Variants in PCNX2 observed in about 807,000 individuals in gnomAD.
PCNX2 encodes pecanex-like protein 2.
In PCNX2, 168 loss-of-function variants were observed where a neutral mutation model predicts 223.8. That is an observed-to-expected ratio of 0.75 (90% CI 0.66 to 0.85). The LOEUF (loss-of-function observed/expected upper bound fraction) is 0.85, where lower values mean the gene tolerates loss of function less well. Among genes scored for constraint, PCNX2 ranks in the 40% least tolerant of loss-of-function variants. The probability of loss-of-function intolerance (pLI) is 0.00; values close to 1 mark genes in which losing one functional copy is unlikely to be tolerated. For synonymous variants in PCNX2, 1,006 were observed against 1,052.6 expected (o/e 0.96, Z 0.86); for missense variants, 2,507 against 2,675.5 (o/e 0.94, Z 1.39).
chr1:232,990,483 C>G lies in PCNX2; in HGVS notation c.5792-3943G>C, dbSNP rs903512665. On this transcript the variant is annotated intron_variant, in intron 32 of 33. Transcript: ENST00000258229. This position sits in a 1 kb window ranked among gnomAD's most constrained non-coding sequence, Gnocchi z 4.3. ...CCAACAAGATCGGCAGCTCTTGGCT[C>G]CACTGCTCTTGGCTGTGACAGAACC... Among the ~76,000 whole-genome samples the G allele has an allele frequency of 6.6e-6, 1 of 152,148 alleles. No individual in the cohort carries two copies. The highest frequency in any genetic ancestry group is 2.4e-5 in the African/African-American group (1 of 41,436).
intron 17 of PCNX2, among the ~76,000 whole-genome samples, chr1:233,174,755 T>C (rs1408919148): frequency 3.3e-5 from 5 of 152,202 alleles, no homozygotes; most frequent in Non-Finnish European, 7.3e-5. Flanking sequence ...AAAGAGTCTG[T>C]GCTAATAAGA....
In PCNX2 at chr1:233,253,025, A is replaced by T. The variant is rs1350295034; in HGVS notation, c.1835-237T>A. Among the ~76,000 whole-genome samples the T allele has an allele frequency of 6.6e-6, 1 of 152,228 alleles. No homozygotes were observed. Among genetic ancestry groups the T allele is most frequent in the Non-Finnish European group, 1.5e-5 (1 of 68,050 alleles). On this transcript the variant is annotated intron_variant, in intron 5 of 33. Transcript: ENST00000258229. This position sits in a 1 kb window ranked among gnomAD's most constrained non-coding sequence, Gnocchi z 4.2. ...GTTATTTAGGTGTCTACAAACACCT[A>T]CTATTTTATATACAGGTTGAGGGAC...
Position 233,025,239 on chromosome 1 carries a change from G to A in PCNX2, c.4512C>T (p.Tyr1504=). The A allele has an allele frequency of 1.2e-6, 2 of 1,614,018 alleles. No homozygotes were observed. The highest frequency in any genetic ancestry group is 1.7e-6 in the Non-Finnish European group (2 of 1,179,894). Residue 1504 remains tyrosine (Y), a synonymous_variant, in exon 26 of 34, where the codon TAC becomes TAT. Coordinates refer to ENST00000258229, the MANE Select transcript of PCNX2 (RefSeq NM_014801.4). ...CCAGGATGCTGTAGCCCTCCAGGAT[G>A]TACTGGGTCTGCGTGATTTCCCAGG... is the stretch of plus-strand genomic sequence containing the variant. The part of the protein sequence containing the change: ...WLTWEITQTQ[Y]ILEGYSILDN...
intron 23 of PCNX2, among the ~76,000 whole-genome samples, chr1:233,072,045 C>T (rs1672881736): frequency 6.6e-6 from 1 of 152,140 alleles, no homozygotes; most frequent in Non-Finnish European, 1.5e-5. Context: ...GGATATTAGA[C>T]CTTTGTCAGA....
At chr1:233,169,405 G>C (rs1190048308) in intron 17 of PCNX2, among the ~76,000 whole-genome samples, 1 of 151,810 alleles carries the variant, frequency 6.6e-6, no homozygotes, top group Non-Finnish European at 1.5e-5. Context: ...CCAGCACTTT[G>C]GGAGGCCGAG....
intron 23 of PCNX2, among the ~76,000 whole-genome samples, chr1:233,068,857 T>C (rs531554970): frequency 2.6e-5 from 4 of 152,012 alleles, no homozygotes; most frequent in East Asian, 1.9e-4. Context: ...AATATGTCAA[T>C]AATTACACCA....
chr1:233,016,507 A>G (rs572149600), intron 27 of PCNX2, among the ~76,000 whole-genome samples: 1 of 152,316 alleles, frequency 6.6e-6, no homozygotes, highest in East Asian at 1.9e-4. Flanking sequence ...TAACGATGAC[A>G]GAAGTTAAGT....
intron 21 of PCNX2, chr1:233,112,738 A>G: frequency 7.6e-6 from 7 of 915,208 alleles, no homozygotes; most frequent in South Asian, 1.9e-5. Flanking sequence ...TCACATATTT[A>G]TTATAGTATA....
chr1:233,196,275 T>C (rs532029364), intron 15 of PCNX2, among the ~76,000 whole-genome samples: 1 of 152,004 alleles, frequency 6.6e-6, no homozygotes, highest in Non-Finnish European at 1.5e-5. Context: ...ACTATAAAAC[T>C]TGTAGTACAA....
rs777580204 is a variant in PCNX2 at position 233,261,912 on chromosome 1, T to C, written c.480+133A>G. 224 of 1,371,088 alleles carry C rather than the reference T, an allele frequency of 1.6e-4. 1 individual carries two copies. Among genetic ancestry groups the C allele is most frequent in the Middle Eastern group, 9.9e-4 (4 of 4,054 alleles). The allele number at this position is 1,371,088 out of a possible 1,614,324, so 84.9% of individuals were successfully genotyped here. A position where few individuals can be genotyped will look rare whatever the true frequency, so the allele number is the denominator to read the frequency against. On this transcript the variant is annotated intron_variant, in intron 3 of 33. Transcript: ENST00000258229. Reference sequence around the variant, plus strand: ...CAGGCCATTTCCAGACCCTGGGATGTGATATTCCACTGTACACGGGCCAGT... The same window carrying C: ...CAGGCCATTTCCAGACCCTGGGATGCGATATTCCACTGTACACGGGCCAGT...
intron 31 of PCNX2, among the ~76,000 whole-genome samples, 177 bp from the exon 32 acceptor site, chr1:232,998,615 T>C (rs1277088032): frequency 6.6e-6 from 1 of 152,142 alleles, no homozygotes; most frequent in Non-Finnish European, 1.5e-5. Context: ...ATCTAATAAA[T>C]GAACAGACTG....
chr1:233,039,616 C>A (rs559971850), intron 25 of PCNX2, among the ~76,000 whole-genome samples: 2 of 152,182 alleles, frequency 1.3e-5, no homozygotes, highest in African/African-American at 4.8e-5. Context: ...GCCATGAAGC[C>A]CCAGGCTTTG....
intron 25 of PCNX2, among the ~76,000 whole-genome samples, chr1:233,051,390 C>T (rs1249517129): frequency 6.6e-6 from 1 of 152,160 alleles, no homozygotes; most frequent in African/African-American, 2.4e-5. Flanking sequence ...CAGACACATG[C>T]ACTCATATGT....
chr1:233,196,365 T>C (rs1167592999), intron 15 of PCNX2, among the ~76,000 whole-genome samples: 11 of 151,970 alleles, frequency 7.2e-5, no homozygotes, highest in Admixed American at 2.0e-4. Flanking sequence ...ATTAGATAAA[T>C]TGGACTTCAT....
chr1:233,097,191 A>G (rs1674223416), intron 21 of PCNX2, among the ~76,000 whole-genome samples: 1 of 152,124 alleles, frequency 6.6e-6, no homozygotes, highest in African/African-American at 2.4e-5. Flanking sequence ...AAACATGTCT[A>G]CCAGAGCCTC....
At chr1:233,280,130 A>G (rs546364029) in intron 1 of PCNX2, among the ~76,000 whole-genome samples, 1 of 152,126 alleles carries the variant, frequency 6.6e-6, no homozygotes, top group South Asian at 2.1e-4. Flanking sequence ...ACAGCTGTGT[A>G]CTACTCCACT....
chr1:233,185,250 CA>C (rs1424525854), intron 15 of PCNX2, among the ~76,000 whole-genome samples: 1 of 152,002 alleles, frequency 6.6e-6, no homozygotes, highest in Non-Finnish European at 1.5e-5. Flanking sequence ...CCACTATCTT[CA>C]AGAAAGATTA....
chr1:232,993,550 CG>C (rs1291618273), intron 32 of PCNX2, among the ~76,000 whole-genome samples: 1 of 152,152 alleles, frequency 6.6e-6, no homozygotes, highest in Non-Finnish European at 1.5e-5. Flanking sequence ...TGCAGCCTGA[CG>C]ATGGAGTAGA....
At chr1:233,249,249 T>TG (rs973464920) in intron 8 of PCNX2, among the ~76,000 whole-genome samples, 4 of 152,182 alleles carry the variant, frequency 2.6e-5, no homozygotes, top group Non-Finnish European at 5.9e-5. Flanking sequence ...ATATTTATCC[T>TG]GGGGGGAAAA....
Sources: gnomAD v4.1 joint callset for allele counts (sites outside exome capture counted in the v4.1 genomes callset) on GRCh38, gnomAD v4.1.1 for gene constraint, Gnocchi (gnomAD v3.1) non-coding constraint, MANE v1.5 for transcripts, NCBI Gene and HGNC (gene_info 2026-07-23, HGNC 2026-07-21) for gene names.